LRSAM1: variants seen among roughly 807,000 people sequenced by gnomAD.
LRSAM1 encodes leucine rich repeat and sterile alpha motif containing 1.
A neutral mutation model predicts 118.1 loss-of-function variants in LRSAM1; 96 were observed. The ratio of observed to expected loss-of-function variants is 0.81; its 90% confidence interval spans 0.69 to 0.96. The LOEUF (loss-of-function observed/expected upper bound fraction) is 0.96. Among genes scored for constraint, LRSAM1 ranks in the 40% least tolerant of loss-of-function variants. The pLI is 0.00. For missense variants in LRSAM1, 804 were observed against 915.5 expected (o/e 0.88, Z 1.57); for synonymous variants, 322 against 364.2 (o/e 0.88, Z 1.32).
chr9:127,461,435 G>C (rs2132011601), intron 8 of LRSAM1, among the ~76,000 whole-genome samples, 178 bp downstream of exon 8: 1 of 152,340 alleles, frequency 6.6e-6, no homozygotes, highest in Non-Finnish European at 1.5e-5. Flanking sequence ...CCAGAGACAG[G>C]CTGTCTGGAG....
intron 24 of LRSAM1, among the ~76,000 whole-genome samples, chr9:127,500,155 G>T (rs62584998): frequency 0.43 from 64,340 of 150,546 alleles, 14,487 homozygotes; most frequent in Non-Finnish European, 0.49. Flanking sequence ...GAAGTCAAAA[G>T]CTTGAGACCA....
At chr9:127,481,133 G>GA in intron 14 of LRSAM1, 50 bp from the exon 15 acceptor site, 2 of 1,608,630 alleles carry the variant, frequency 1.2e-6, no homozygotes, top group Non-Finnish European at 1.7e-6. Flanking sequence ...AGTGAGACAG[G>GA]AAACAGGCCT....
At chr9:127,463,488 C>T (rs1393373617) in intron 9 of LRSAM1, among the ~76,000 whole-genome samples, 3 of 152,150 alleles carry the variant, frequency 2.0e-5, no homozygotes, top group African/African-American at 7.2e-5. Context: ...AGGCCTCCCT[C>T]CTTGGCTTGT....
intron 10 of LRSAM1, among the ~76,000 whole-genome samples, chr9:127,470,105 A>T (rs1835112454): frequency 6.6e-6 from 1 of 152,060 alleles, no homozygotes; most frequent in Non-Finnish European, 1.5e-5. Context: ...ATATCTACTC[A>T]AGCTGAACAT....
At chr9:127,492,736 C>T (rs543810943) in intron 20 of LRSAM1, 66 bp from the exon 21 acceptor site, 15 of 1,459,442 alleles carry the variant, frequency 1.0e-5, no homozygotes, top group Non-Finnish European at 1.3e-5. Context: ...CTTCTCCATC[C>T]TGCCACTGCG....
intron 11 of LRSAM1, among the ~76,000 whole-genome samples, chr9:127,478,463 C>G (rs1835417178): frequency 6.6e-6 from 1 of 152,214 alleles, no homozygotes. Flanking sequence ...GACTTACGGA[C>G]AGATGTTGAT....
Position 127,461,272 on chromosome 9 carries a change from GCCGTGT to G in LRSAM1, c.406+22_406+27del. 6.2e-7 allele frequency: 1 copy of G among 1,607,676 alleles called. No homozygotes were observed. On this transcript the variant is annotated intron_variant, in intron 8 of 25. Transcript: ENST00000300417. Reference sequence around the variant, plus strand: ...CAATGTTAAAGGTAGGGACCAAGAAGCCGTGTCCGTGTGACCCTCCATCAGCTCTGG... The same window carrying G: ...CAATGTTAAAGGTAGGGACCAAGAAGCCGTGTGACCCTCCATCAGCTCTGG...
intron 22 of LRSAM1, 101 bp downstream of exon 22, chr9:127,495,519 T>C: frequency 1.0e-6 from 1 of 983,968 alleles, no homozygotes. Flanking sequence ...GTTACTTTTC[T>C]GGTGACTCTA....
chr9:127,494,760 G>A (rs971978814), intron 21 of LRSAM1, among the ~76,000 whole-genome samples: 1 of 152,038 alleles, frequency 6.6e-6, no homozygotes, highest in Non-Finnish European at 1.5e-5. Context: ...CCTGGCCAAC[G>A]TGGTGAAAAC....
chr9:127,497,197 AC>A (rs1379215021), intron 23 of LRSAM1, 55 bp from the exon 24 acceptor site: 6 of 1,582,500 alleles, frequency 3.8e-6, no homozygotes, highest in Non-Finnish European at 8.7e-7. Context: ...CGTGGCTCAC[AC>A]CATTTAGCGG....
At position 127,496,551 on chromosome 9, in the gene LRSAM1, C is replaced by T. The variant is rs1287667116; in HGVS notation, c.1830+456C>T. Among the ~76,000 whole-genome samples, 7 of 152,236 alleles carry T rather than the reference C, an allele frequency of 4.6e-5. No individual in the cohort carries two copies. The East Asian group carries it at 5.8e-4, about 13-fold the overall frequency. On this transcript the variant is annotated intron_variant, in intron 23 of 25. Transcript: ENST00000300417. ...GCCAGCTAACTTTGTAGCACCTGCA[C>T]GTGCGGGGCACCATTTTAAGCACTT...
In LRSAM1 at chr9:127,479,946, C is replaced by T. The variant is rs886063456; in HGVS notation, c.1011C>T (p.Ser337=). Residue 337 remains serine (S), a synonymous_variant, in exon 14 of 26, where the codon AGC becomes AGT. Transcript: ENST00000300417. Reference sequence around the variant, plus strand: ...AGCAGACGGAACAGAACATTTCCAGCCGGATCCAGAAGCTGCTGCAGGACA... The same window carrying T: ...AGCAGACGGAACAGAACATTTCCAGTCGGATCCAGAAGCTGCTGCAGGACA... ...QLKQTEQNIS[S]RIQKLLQDNQ... is the part of the protein sequence containing the mutation. The T allele has an allele frequency of 4.3e-6, 7 of 1,614,210 alleles. No homozygotes were observed. Among genetic ancestry groups the T allele is most frequent in the Non-Finnish European group, 5.1e-6 (6 of 1,180,040 alleles).
At chr9:127,472,439 C>T (rs941589696) in intron 10 of LRSAM1, among the ~76,000 whole-genome samples, 1 of 151,772 alleles carries the variant, frequency 6.6e-6, no homozygotes, top group Non-Finnish European at 1.5e-5. Flanking sequence ...GTCAGGAGTT[C>T]GAGACCACCT....
In LRSAM1 at chr9:127,459,051, G is replaced by C; in HGVS notation, c.301G>C (p.Gly101Arg). 1 of 1,613,670 alleles carries C rather than the reference G, an allele frequency of 6.2e-7. No individual in the cohort carries two copies. The highest frequency in any genetic ancestry group is 1.3e-5 in the African/African-American group (1 of 75,028). Residue 101 changes from glycine to arginine, a missense_variant, in exon 7 of 26, where the codon GGG (glycine) becomes CGG (arginine). Gly to Arg is a moderately radical substitution (Grantham distance 125). Coordinates refer to ENST00000300417, the MANE Select transcript of LRSAM1 (RefSeq NM_001005373.4). ...NQLTALPDDLGQLTALQVLNV... is the reference protein window; with the variant it reads ...NQLTALPDDLRQLTALQVLNV... Reference sequence around the variant, plus strand: ...GCTGACAGCCCTTCCTGACGATCTGGGGCAGCTGACTGCCCTCCAGGTAAG... The same window carrying C: ...GCTGACAGCCCTTCCTGACGATCTGCGGCAGCTGACTGCCCTCCAGGTAAG...
chr9:127,488,231 C>T (rs1835802871), intron 18 of LRSAM1, among the ~76,000 whole-genome samples: 1 of 152,116 alleles, frequency 6.6e-6, no homozygotes, highest in Non-Finnish European at 1.5e-5. Context: ...GACCTCCTCC[C>T]CTTCGGTGTC....
chr9:127,469,700 G>A (rs535473292), intron 10 of LRSAM1, among the ~76,000 whole-genome samples: 6 of 151,118 alleles, frequency 4.0e-5, no homozygotes, highest in East Asian at 2.0e-4. Context: ...GCGGTGGCTC[G>A]CGCCTGTAAT....
At chr9:127,501,457 CATGGTGGCTCACGCCTGT>C in intron 25 of LRSAM1, among the ~76,000 whole-genome samples, 1 of 152,142 alleles carries the variant, frequency 6.6e-6, no homozygotes, top group East Asian at 1.9e-4. Context: ...TTTGGCCAGG[CATGGTGGCTCACGCCTGT>C]AATCCCAGCA....
chr9:127,457,829 G>A (rs1195064086), intron 6 of LRSAM1, among the ~76,000 whole-genome samples: 2 of 152,196 alleles, frequency 1.3e-5, no homozygotes, highest in African/African-American at 4.8e-5. Flanking sequence ...CTGAGCTTGG[G>A]AGAGTGATAT....
chr9:127,480,185 G>A (rs1384516896), intron 14 of LRSAM1, among the ~76,000 whole-genome samples: 1 of 152,208 alleles, frequency 6.6e-6, no homozygotes, highest in African/African-American at 2.4e-5. Context: ...CTTAGCATGA[G>A]ACTGCTACCA....
Sources: allele counts gnomAD v4.1 joint callset (sites outside exome capture counted in the v4.1 genomes callset), GRCh38; gene constraint gnomAD v4.1.1; transcripts MANE v1.5; gene names NCBI Gene and HGNC (gene_info 2026-07-23, HGNC 2026-07-21).